The following KIRREL3 variants were observed in gnomAD, a reference collection of about 807,000 sequenced individuals.
The protein encoded by KIRREL3 is kin of IRRE-like protein 3.
Under a neutral mutation model 89.7 loss-of-function variants are expected in KIRREL3, and 36 were observed. That is an observed-to-expected ratio of 0.40 (90% CI 0.31 to 0.53). KIRREL3 has a LOEUF of 0.53. KIRREL3 is among the 20% of genes least tolerant of loss of function. KIRREL3 has a pLI of 0.49. For synonymous variants in KIRREL3, 445 were observed against 441.4 expected, an observed-to-expected ratio of 1.01 and a Z score of -0.10; for missense variants, 864 against 1,056.6, an observed-to-expected ratio of 0.82 and a Z score of 2.53.
intron 1 of KIRREL3, among the ~76,000 whole-genome samples, chr11:126,942,079 C>T (rs1217492757): frequency 1.3e-5 from 2 of 152,058 alleles, no homozygotes; most frequent in East Asian, 3.9e-4. Flanking sequence ...AGGCTTTGGC[C>T]AAAGAAAGGT....
intron 12 of KIRREL3, 81 bp from the exon 13 acceptor site, chr11:126,435,384 C>G (rs4937132): frequency 0.66 from 934,421 of 1,418,858 alleles, 312,133 homozygotes; most frequent in East Asian, 0.93. Context: ...GCTGCTTGAG[C>G]GGGGCTGGGT....
intron 1 of KIRREL3, among the ~76,000 whole-genome samples, chr11:126,880,710 T>A (rs1217052556): frequency 6.6e-6 from 1 of 151,944 alleles, no homozygotes; most frequent in Non-Finnish European, 1.5e-5. Flanking sequence ...ATAACTATTA[T>A]GCAAAAGTAC....
Position 126,923,165 on chromosome 11 carries a change from T to TTCTTCTTC in KIRREL3, c.55+77282_55+77289dup, listed in dbSNP as rs1565422884. ...CTTCTTCTTCTTCTTCTTCTTCTTCTTCTTCTTCTTCTCTTCTTCTTCTCT... is the reference window on the plus strand; with the variant it reads ...CTTCTTCTTCTTCTTCTTCTTCTTCTTCTTCTTCTCTTCTTCTTCTCTTCTTCTTCTCT... On this transcript the variant is annotated intron_variant, in intron 1 of 16. Coordinates refer to ENST00000525144, the MANE Select transcript of KIRREL3 (RefSeq NM_032531.4). Among the ~76,000 whole-genome samples the TTCTTCTTC allele has an allele frequency of 2.4e-4, 6 of 24,520 alleles. 1 individual carries two copies. The highest frequency in any genetic ancestry group is 3.2e-3 in the South Asian group (2 of 624). 16.1% of individuals were successfully genotyped at this position (24,520 alleles called of 152,430 possible). A position where few individuals can be genotyped will look rare whatever the true frequency, so the allele number is the denominator to read the frequency against.
intron 1 of KIRREL3, among the ~76,000 whole-genome samples, chr11:126,950,728 C>G (rs2135145971): frequency 6.6e-6 from 1 of 152,310 alleles, no homozygotes; most frequent in Middle Eastern, 3.4e-3. Flanking sequence ...GGTGGAGAGC[C>G]ACCTGTCTGC....
intron 1 of KIRREL3, among the ~76,000 whole-genome samples, chr11:126,692,348 C>A (rs992899228): frequency 6.6e-6 from 1 of 151,788 alleles, no homozygotes; most frequent in South Asian, 2.1e-4. Flanking sequence ...AGTTCGAGAC[C>A]AGTCTGGCCA....
Position 126,562,822 on chromosome 11 carries a change from G to A in KIRREL3, c.133+13C>T. 2 of 1,610,524 alleles carry A rather than the reference G, an allele frequency of 1.2e-6. No individual in the cohort carries two copies. The highest frequency in any genetic ancestry group is 8.5e-7 in the Non-Finnish European group (1 of 1,176,792). ...CAGATTACTCCCGAGACAATGGGGA[G>A]GTTCTCACTGACCTTCATTCATTCT... On this transcript the variant is annotated intron_variant, in intron 2 of 16. Coordinates refer to ENST00000525144, the MANE Select transcript of KIRREL3 (RefSeq NM_032531.4). The surrounding 1 kb of genome is among the most constrained non-coding windows in gnomAD (Gnocchi z 4.7).
At chr11:126,478,216 C>T (rs1393020410) in intron 4 of KIRREL3, among the ~76,000 whole-genome samples, 3 of 152,220 alleles carry the variant, frequency 2.0e-5, no homozygotes, top group African/African-American at 7.2e-5. Flanking sequence ...GCTGGCTCTT[C>T]CCGTCAATGA....
rs1250476760 is a variant in KIRREL3, at chr11:126,817,345, G to A, written c.55+183110C>T. On this transcript the variant is annotated intron_variant, in intron 1 of 16. Coordinates refer to ENST00000525144, the MANE Select transcript of KIRREL3 (RefSeq NM_032531.4). The surrounding 1 kb of genome is among the most constrained non-coding windows in gnomAD (Gnocchi z 5.7). Reference sequence around the variant, plus strand: ...GCAGTGTACCACAGAAAATGGTGGTGATGATGACAGCCAGTCAACAGAAGC... The same window carrying A: ...GCAGTGTACCACAGAAAATGGTGGTAATGATGACAGCCAGTCAACAGAAGC... 6.6e-6 allele frequency among the ~76,000 whole-genome samples: 1 copy of A among 152,188 alleles called. No individual in the cohort carries two copies. The highest frequency in any genetic ancestry group is 1.9e-4 in the East Asian group (1 of 5,194).
chr11:126,626,534 G>T (rs1357315508), intron 1 of KIRREL3, among the ~76,000 whole-genome samples: 3 of 152,320 alleles, frequency 2.0e-5, no homozygotes, highest in South Asian at 2.1e-4. Flanking sequence ...ACAGTAGGGG[G>T]TATCTTGGAG....
rs1314836495 is a variant in KIRREL3, at chr11:126,943,114, T to C, written c.55+57341A>G. On this transcript the variant is annotated intron_variant, in intron 1 of 16. Transcript: ENST00000525144. This position sits in a 1 kb window ranked among gnomAD's most constrained non-coding sequence, Gnocchi z 4.2. ...TTCAGTGCTCTTGATTGCACAGATT[T>C]CTGATAAATGTTTTCATCAGTGCCA... is the stretch of plus-strand genomic sequence containing the variant. Among the ~76,000 whole-genome samples the C allele has an allele frequency of 6.6e-6, 1 of 152,240 alleles. No homozygotes were observed. The highest frequency in any genetic ancestry group is 2.4e-5 in the African/African-American group (1 of 41,466).
intron 1 of KIRREL3, among the ~76,000 whole-genome samples, chr11:126,671,975 A>G (rs1945971214): frequency 6.6e-6 from 1 of 152,230 alleles, no homozygotes; most frequent in South Asian, 2.1e-4. Flanking sequence ...CCTCCACGAG[A>G]AGGTTTATAG....
rs1942887000 is a variant in KIRREL3, at chr11:126,606,331, G to A, written c.56-43419C>T. On this transcript the variant is annotated intron_variant, in intron 1 of 16. Transcript: ENST00000525144. The surrounding 1 kb of genome is among the most constrained non-coding windows in gnomAD (Gnocchi z 4.6). ...CACTTACTAGCTGTGTCACTCTGGA[G>A]AATTTATGTAGTCTTTCTGTGTTTC... Among the ~76,000 whole-genome samples, 1 of 152,168 alleles carries A rather than the reference G, an allele frequency of 6.6e-6. No homozygotes were observed. Among genetic ancestry groups the A allele is most frequent in the Non-Finnish European group, 1.5e-5 (1 of 68,034 alleles).
rs552574882 is a variant in KIRREL3, at chr11:126,570,708, C to G, written c.56-7796G>C. Among the ~76,000 whole-genome samples the G allele has an allele frequency of 6.6e-6, 1 of 152,330 alleles. No individual in the cohort carries two copies. The highest frequency in any genetic ancestry group is 2.1e-4 in the South Asian group (1 of 4,830). The stretch of plus-strand genomic sequence containing the variant: ...TGGCATAGCTCTATCCCCCATGCGG[C>G]CAAGGCAGGCATTATCAGCAACTCC... On this transcript the variant is annotated intron_variant, in intron 1 of 16. Transcript: ENST00000525144. The surrounding 1 kb of genome is among the most constrained non-coding windows in gnomAD (Gnocchi z 6.1).
chr11:126,704,249 T>C lies in KIRREL3; in HGVS notation c.56-141337A>G, dbSNP rs1947427970. ...CACATTTGCATCATATCTGTTCATG[T>C]GCATGCATGTGCACAGCTGTTCCCC... On this transcript the variant is annotated intron_variant, in intron 1 of 16. Coordinates refer to ENST00000525144, the MANE Select transcript of KIRREL3 (RefSeq NM_032531.4). This position sits in a 1 kb window ranked among gnomAD's most constrained non-coding sequence, Gnocchi z 4.2. Among the ~76,000 whole-genome samples, 1 of 152,194 alleles carries C rather than the reference T, an allele frequency of 6.6e-6. No homozygotes were observed. The highest frequency in any genetic ancestry group is 2.1e-4 in the South Asian group (1 of 4,824).
intron 1 of KIRREL3, among the ~76,000 whole-genome samples, chr11:126,927,805 G>T (rs1244833844): frequency 3.9e-5 from 6 of 152,206 alleles, no homozygotes; most frequent in African/African-American, 1.2e-4. Flanking sequence ...CTTCTTAGAA[G>T]GTGTGGCCTT....
chr11:126,889,452 T>C (rs1168059997), intron 1 of KIRREL3, among the ~76,000 whole-genome samples: 3 of 152,188 alleles, frequency 2.0e-5, no homozygotes, highest in African/African-American at 7.2e-5. Flanking sequence ...GGCACCATGA[T>C]TTGTTTTGGT....
intron 1 of KIRREL3, among the ~76,000 whole-genome samples, chr11:126,745,554 T>C (rs975353827): frequency 6.6e-6 from 1 of 151,668 alleles, no homozygotes; most frequent in Non-Finnish European, 1.5e-5. Context: ...TTACTGTGAA[T>C]ACTTGGTACG....
At position 126,795,666 on chromosome 11, in the gene KIRREL3, G is replaced by C. The variant is rs536379868; in HGVS notation, c.55+204789C>G. On this transcript the variant is annotated intron_variant, in intron 1 of 16. Transcript: ENST00000525144. The surrounding 1 kb of genome is among the most constrained non-coding windows in gnomAD (Gnocchi z 4.1). Reference sequence around the variant, plus strand: ...CCCCAAGTGCCAGGATTACAGGAGTGAGCCACTGTGCCTGGCCAGAAATAT... The same window carrying C: ...CCCCAAGTGCCAGGATTACAGGAGTCAGCCACTGTGCCTGGCCAGAAATAT... 5.9e-5 allele frequency among the ~76,000 whole-genome samples: 9 copies of C among 152,278 alleles called. No individual in the cohort carries two copies. In the South Asian group the frequency reaches 1.9e-3, roughly 32 times the overall value.
rs77323260 is a variant in KIRREL3 at position 126,909,549 on chromosome 11, C to T, written c.55+90906G>A. 7.2e-3 allele frequency among the ~76,000 whole-genome samples: 1,100 copies of T among 152,258 alleles called. 33 individuals are homozygous for T. The East Asian group carries it at 0.096, about 13-fold the overall frequency. On this transcript the variant is annotated intron_variant, in intron 1 of 16. Coordinates refer to ENST00000525144, the MANE Select transcript of KIRREL3 (RefSeq NM_032531.4). The surrounding 1 kb of genome is among the most constrained non-coding windows in gnomAD (Gnocchi z 4.5). ...GAGATACACCGCCCACAATACACCC[C>T]GTGGGTAATTAACAACCGAGAAAGG...
Sources: allele counts gnomAD v4.1 joint callset (sites outside exome capture counted in the v4.1 genomes callset), GRCh38; gene constraint gnomAD v4.1.1; non-coding constraint Gnocchi (gnomAD v3.1); transcripts MANE v1.5; gene names NCBI Gene and HGNC (gene_info 2026-07-23, HGNC 2026-07-21).